Variants in THSD7B observed in about 807,000 individuals in gnomAD.
THSD7B encodes thrombospondin type-1 domain-containing protein 7B.
In THSD7B, 138 loss-of-function variants were observed where a neutral mutation model predicts 213.6. That is an observed-to-expected ratio of 0.65 (90% CI 0.56 to 0.74). The LOEUF (loss-of-function observed/expected upper bound fraction) is 0.74, where lower values mean the gene tolerates loss of function less well. THSD7B is among the 30% of genes least tolerant of loss of function. THSD7B has a pLI of 0.00. For missense variants in THSD7B, 1,931 were observed against 1,991.5 expected, an observed-to-expected ratio of 0.97 and a Z score of 0.58; for synonymous variants, 742 against 687.0, an observed-to-expected ratio of 1.08 and a Z score of -1.25.
intron 2 of THSD7B, among the ~76,000 whole-genome samples, chr2:137,041,869 A>G (rs955861583): frequency 6.6e-6 from 1 of 152,108 alleles, no homozygotes; most frequent in African/African-American, 2.4e-5. Flanking sequence ...CTGAAGTAAA[A>G]CCCCAGCACA....
chr2:137,646,377 C>G (rs550938557), intron 21 of THSD7B, among the ~76,000 whole-genome samples: 66 of 151,334 alleles, frequency 4.4e-4, no homozygotes, highest in African/African-American at 1.4e-3. Flanking sequence ...CGTGGTGGCT[C>G]ACACCTGTTA....
chr2:136,924,010 A>G lies in THSD7B; in HGVS notation c.139+41693A>G, dbSNP rs1338098479. Among the ~76,000 whole-genome samples the G allele has an allele frequency of 2.0e-5, 3 of 152,232 alleles. No individual in the cohort carries two copies. In the East Asian group the frequency reaches 5.8e-4, roughly 29 times the overall value. On this transcript the variant is annotated intron_variant, in intron 2 of 27. Transcript: ENST00000409968. ...TTGTTCCCTGTGCTTTAGGTGTCATATCCAAGAAATCATTGCCAAATCCAG... is the reference window on the plus strand; with the variant it reads ...TTGTTCCCTGTGCTTTAGGTGTCATGTCCAAGAAATCATTGCCAAATCCAG...
At chr2:136,949,227 C>G (rs1342336887) in intron 2 of THSD7B, among the ~76,000 whole-genome samples, 2 of 152,160 alleles carry the variant, frequency 1.3e-5, no homozygotes, top group African/African-American at 2.4e-5. Context: ...TCTTTGGAAA[C>G]AAATGGGGCT....
chr2:136,953,378 A>G (rs1685072398), intron 2 of THSD7B, among the ~76,000 whole-genome samples: 1 of 152,098 alleles, frequency 6.6e-6, no homozygotes, highest in Admixed American at 6.5e-5. Context: ...AAGAACAACT[A>G]TTTTCAGCCT....
chr2:137,334,162 TTCTCTCTTTCTCTCTCTC>T (rs1271644995), intron 12 of THSD7B, among the ~76,000 whole-genome samples: 73 of 87,006 alleles, frequency 8.4e-4, no homozygotes, highest in African/African-American at 2.6e-3. Context: ...ATTTCTTTCT[TTCTCTCTTTCTCTCTCTC>T]TCTCTCTCTC....
chr2:137,149,799 A>T (rs778119037), intron 5 of THSD7B, among the ~76,000 whole-genome samples: 1 of 152,206 alleles, frequency 6.6e-6, no homozygotes, highest in Non-Finnish European at 1.5e-5. Context: ...GTATCTAGGA[A>T]GTAACTAACT....
Position 137,405,772 on chromosome 2 carries a change from G to A in THSD7B, c.2660G>A (p.Cys887Tyr), listed in dbSNP as rs757555279. 7 of 1,613,128 alleles carry A rather than the reference G, an allele frequency of 4.3e-6. No individual in the cohort carries two copies. Among genetic ancestry groups the A allele is most frequent in the Admixed American group, 1.7e-5 (1 of 59,852 alleles). ...WSKFTPCSTN[C>Y]EATKSRRRQL... ...AAGTTTACGCCCTGCTCCACGAACT[G>A]TGAAGCCACAAAAAGTAGGCGGCGA... Residue 887 changes from cysteine to tyrosine, a missense_variant, in exon 13 of 28, where the codon TGT becomes TAT. By Grantham distance (194) the Cys-to-Tyr change is radical. Coordinates refer to ENST00000409968, the MANE Select transcript of THSD7B (RefSeq NM_001316349.2).
intron 2 of THSD7B, among the ~76,000 whole-genome samples, chr2:136,953,730 C>T (rs1685078355): frequency 1.3e-5 from 2 of 152,156 alleles, no homozygotes; most frequent in South Asian, 4.1e-4. Context: ...AAACCCAAAG[C>T]CTGCAAATAA....
intron 12 of THSD7B, among the ~76,000 whole-genome samples, chr2:137,314,758 A>G (rs1684038542): frequency 6.6e-6 from 1 of 151,874 alleles, no homozygotes. Flanking sequence ...CTGTTGGAGT[A>G]CTCGGCCTTG....
intron 15 of THSD7B, among the ~76,000 whole-genome samples, chr2:137,498,961 T>C (rs1421827838): frequency 6.6e-6 from 1 of 152,140 alleles, no homozygotes; most frequent in Non-Finnish European, 1.5e-5. Flanking sequence ...CCAGGACTAC[T>C]AGCAGGGGCA....
chr2:136,846,979 C>T (rs1356310946), intron 1 of THSD7B, among the ~76,000 whole-genome samples: 1 of 152,100 alleles, frequency 6.6e-6, no homozygotes, highest in Middle Eastern at 3.2e-3. Context: ...GTTCTGGCCA[C>T]AGGAGAAACA....
intron 1 of THSD7B, among the ~76,000 whole-genome samples, chr2:136,846,762 C>T (rs1371877045): frequency 2.0e-5 from 3 of 152,106 alleles, no homozygotes; most frequent in Non-Finnish European, 4.4e-5. Flanking sequence ...CACTGAAGCA[C>T]TGTATGGGTT....
intron 15 of THSD7B, among the ~76,000 whole-genome samples, chr2:137,454,575 C>T (rs1687726106): frequency 6.6e-6 from 1 of 151,934 alleles, no homozygotes; most frequent in Admixed American, 6.6e-5. Context: ...GTTTGTTATA[C>T]TGTACATAGA....
chr2:137,338,751 T>C (rs1260508011), intron 12 of THSD7B, among the ~76,000 whole-genome samples: 1 of 152,114 alleles, frequency 6.6e-6, no homozygotes, highest in Non-Finnish European at 1.5e-5. Flanking sequence ...AGGTTTTGAA[T>C]CTGACACACT....
chr2:136,774,679 G>A (rs1002560351), intron 1 of THSD7B, among the ~76,000 whole-genome samples: 5 of 152,028 alleles, frequency 3.3e-5, no homozygotes, highest in Admixed American at 6.6e-5. Context: ...AGAACAAGAC[G>A]TCTGTTAGAA....
At chr2:136,789,939 G>C (rs1188123105) in intron 1 of THSD7B, among the ~76,000 whole-genome samples, 2 of 152,098 alleles carry the variant, frequency 1.3e-5, no homozygotes, top group Non-Finnish European at 2.9e-5. Context: ...TGATAGAAAA[G>C]ATGGAGCCCT....
At chr2:137,615,913 A>G (rs1682376428) in intron 17 of THSD7B, among the ~76,000 whole-genome samples, 1 of 152,186 alleles carries the variant, frequency 6.6e-6, no homozygotes, top group Non-Finnish European at 1.5e-5. Flanking sequence ...AATGATAGAA[A>G]TAGTCTCCGT....
intron 12 of THSD7B, among the ~76,000 whole-genome samples, chr2:137,391,835 G>A (rs138679500): frequency 6.6e-6 from 1 of 152,072 alleles, no homozygotes; most frequent in East Asian, 1.9e-4. Flanking sequence ...TGGAATATTA[G>A]CTTTAAAATT....
intron 2 of THSD7B, among the ~76,000 whole-genome samples, chr2:136,949,676 G>A (rs1685002136): frequency 6.6e-6 from 1 of 152,174 alleles, no homozygotes; most frequent in African/African-American, 2.4e-5. Context: ...TCGCCAGTGA[G>A]ATTTAAAAAT....
Sources: allele counts gnomAD v4.1 joint callset (sites outside exome capture counted in the v4.1 genomes callset), GRCh38; gene constraint gnomAD v4.1.1; transcripts MANE v1.5; gene names NCBI Gene and HGNC (gene_info 2026-07-23, HGNC 2026-07-21).